The following PDLIM5 variants were observed in gnomAD, a reference collection of about 807,000 sequenced individuals.
PDLIM5 encodes PDZ and LIM domain 5, also known as PDZ and LIM domain protein 5.
Under a neutral mutation model 64.2 loss-of-function variants are expected in PDLIM5, and 34 were observed. The observed-to-expected ratio is 0.53, with a 90% CI of 0.40 to 0.71. PDLIM5 has a LOEUF of 0.71. Ranked by LOEUF, PDLIM5 falls within the 30% of genes least tolerant of loss-of-function variation. The pLI, the probability that PDLIM5 is intolerant of heterozygous loss-of-function variation, is 0.00. For synonymous variants in PDLIM5, 253 were observed against 269.1 expected (o/e 0.94, Z 0.59); for missense variants, 683 against 733.6 (o/e 0.93, Z 0.80).
At chr4:94,553,641 G>A (rs1733010763) in intron 3 of PDLIM5, among the ~76,000 whole-genome samples, 1 of 152,084 alleles carries the variant, frequency 6.6e-6, no homozygotes, top group African/African-American at 2.4e-5. Context: ...GGTTATTGTG[G>A]GCCCTAAAGA....
intron 7 of PDLIM5, among the ~76,000 whole-genome samples, chr4:94,594,414 T>A (rs1560728358): frequency 6.6e-6 from 1 of 152,092 alleles, no homozygotes; most frequent in Non-Finnish European, 1.5e-5. Flanking sequence ...TAGAGAAAAT[T>A]TTATCATTAA....
intron 3 of PDLIM5, among the ~76,000 whole-genome samples, chr4:94,558,930 A>T (rs1373216371): frequency 6.6e-6 from 1 of 151,968 alleles, no homozygotes; most frequent in Non-Finnish European, 1.5e-5. Context: ...AAAAGTAGTT[A>T]TGATAATTTT....
intron 2 of PDLIM5, among the ~76,000 whole-genome samples, chr4:94,481,314 A>T (rs1283047993): frequency 2.7e-5 from 4 of 146,418 alleles, no homozygotes; most frequent in African/African-American, 1.0e-4. Flanking sequence ...TTTTTGAGAC[A>T]GAGTCTTGCT....
chr4:94,640,553 A>G, intron 9 of PDLIM5, 103 bp downstream of exon 9: 1 of 692,818 alleles, frequency 1.4e-6, no homozygotes, highest in South Asian at 1.9e-5. Flanking sequence ...TAGTGAAAAT[A>G]TTCTTGCCAT....
At chr4:94,466,291 A>G (rs1183168490) in intron 2 of PDLIM5, among the ~76,000 whole-genome samples, 1 of 152,230 alleles carries the variant, frequency 6.6e-6, no homozygotes. Context: ...ACCAGAGAAT[A>G]GATCCTAGAG....
At chr4:94,538,917 G>A (rs1731542885) in intron 3 of PDLIM5, among the ~76,000 whole-genome samples, 1 of 152,152 alleles carries the variant, frequency 6.6e-6, no homozygotes, top group African/African-American at 2.4e-5. Flanking sequence ...GATGAATGAT[G>A]ATGGTAGGAG....
At chr4:94,552,302 A>T (rs983604534) in intron 3 of PDLIM5, among the ~76,000 whole-genome samples, 4 of 152,146 alleles carry the variant, frequency 2.6e-5, no homozygotes, top group African/African-American at 9.7e-5. Flanking sequence ...ATAATTTAAA[A>T]ATATCTACAA....
intron 2 of PDLIM5, among the ~76,000 whole-genome samples, chr4:94,508,238 A>C (rs144111203): frequency 1.1e-3 from 173 of 152,322 alleles, no homozygotes; most frequent in Middle Eastern, 6.8e-3. Flanking sequence ...GTGACGAGAG[A>C]CCAGAGAGCT....
chr4:94,623,723 A>T (rs1241323335), intron 8 of PDLIM5, among the ~76,000 whole-genome samples: 1 of 152,076 alleles, frequency 6.6e-6, no homozygotes, highest in Non-Finnish European at 1.5e-5. Flanking sequence ...AGGACATCAT[A>T]CGATCTGAAG....
At chr4:94,639,788 G>A (rs766555877) in intron 8 of PDLIM5, among the ~76,000 whole-genome samples, 2 of 152,028 alleles carry the variant, frequency 1.3e-5, no homozygotes, top group Non-Finnish European at 2.9e-5. Context: ...ATGTCTTCTC[G>A]TAGAAGCAGA....
At position 94,662,417 on chromosome 4, in the gene PDLIM5, T is replaced by C; in HGVS notation, c.1586-5T>C. On this transcript the variant is annotated splice_polypyrimidine_tract_variant and splice_region_variant and intron_variant, in intron 11 of 12. Transcript: ENST00000317968. ...ATTATGTCTCTCTGCCCTCCCTTAA[T>C]ACAGATTATTATGCCCTCTTTGGTA... The C allele has an allele frequency of 7.5e-7, 1 of 1,328,410 alleles. No homozygotes were observed. Among genetic ancestry groups the C allele is most frequent in the Non-Finnish European group, 1.1e-6 (1 of 919,528 alleles). 82.3% of individuals were successfully genotyped at this position (1,328,410 alleles called of 1,614,324 possible).
At chr4:94,490,974 A>T (rs1004358305) in intron 2 of PDLIM5, among the ~76,000 whole-genome samples, 2 of 152,154 alleles carry the variant, frequency 1.3e-5, no homozygotes, top group Non-Finnish European at 2.9e-5. Context: ...ATTGTTTCTT[A>T]TACAACTTTA....
intron 2 of PDLIM5, among the ~76,000 whole-genome samples, chr4:94,486,738 A>C (rs1368168141): frequency 1.3e-5 from 2 of 152,238 alleles, no homozygotes; most frequent in African/African-American, 4.8e-5. Flanking sequence ...GCAATGGCTC[A>C]TGCCTGCAAT....
At chr4:94,547,424 T>C (rs1732420498) in intron 3 of PDLIM5, among the ~76,000 whole-genome samples, 1 of 152,190 alleles carries the variant, frequency 6.6e-6, no homozygotes, top group Non-Finnish European at 1.5e-5. Flanking sequence ...TCACATCATA[T>C]CATCCTAACA....
intron 3 of PDLIM5, among the ~76,000 whole-genome samples, chr4:94,556,155 G>A (rs1423826192): frequency 6.6e-6 from 1 of 151,166 alleles, no homozygotes; most frequent in Non-Finnish European, 1.5e-5. Context: ...AACATGCAGT[G>A]TTTGGTTTTT....
chr4:94,497,239 C>T (rs1727481193), intron 2 of PDLIM5, among the ~76,000 whole-genome samples: 1 of 152,104 alleles, frequency 6.6e-6, no homozygotes, highest in Non-Finnish European at 1.5e-5. Flanking sequence ...TTTTGTATCC[C>T]TAATGATGTT....
chr4:94,662,373 A>G (rs759614314), intron 11 of PDLIM5, 49 bp from the exon 12 acceptor site: 1 of 875,428 alleles, frequency 1.1e-6, no homozygotes. Context: ...CGATCATTCT[A>G]AAACTTCATC....
At chr4:94,619,950 G>A (rs1739092409) in intron 8 of PDLIM5, among the ~76,000 whole-genome samples, 1 of 152,104 alleles carries the variant, frequency 6.6e-6, no homozygotes. Flanking sequence ...CTCAAACTCT[G>A]ATTTGCTGCT....
chr4:94,639,449 A>G (rs1027293049), intron 8 of PDLIM5, among the ~76,000 whole-genome samples: 7 of 152,140 alleles, frequency 4.6e-5, no homozygotes, highest in African/African-American at 1.7e-4. Flanking sequence ...CTAAATTAAG[A>G]CAGTATTATA....
Sources: gnomAD v4.1 joint callset for allele counts (sites outside exome capture counted in the v4.1 genomes callset) on GRCh38, gnomAD v4.1.1 for gene constraint, MANE v1.5 for transcripts, NCBI Gene and HGNC (gene_info 2026-07-23, HGNC 2026-07-21) for gene names.